ZNF676: variants seen among roughly 807,000 people sequenced by gnomAD.
The protein encoded by ZNF676 is zinc finger protein 676.
A neutral mutation model predicts 6.0 loss-of-function variants in ZNF676; 4 were observed. The observed-to-expected ratio is 0.67, with a 90% CI of 0.33 to 1.53. The LOEUF is 1.53. ZNF676 is among the 40% of genes most tolerant of loss of function. The pLI, the probability that ZNF676 is intolerant of heterozygous loss-of-function variation, is 0.06. For synonymous variants in ZNF676, 198 were observed against 223.1 expected (o/e 0.89, Z 1.00); for missense variants, 644 against 679.7 (o/e 0.95, Z 0.58).
At chr19:22,217,108 T>C (rs1427394895), upstream of ZNF676, among the ~76,000 whole-genome samples, 1 of 152,126 alleles carries the variant, frequency 6.6e-6, no homozygotes, top group Admixed American at 6.6e-5. Context: ...TCCCAAGCAG[T>C]GTGCACTCTA....
chr19:22,226,924 TG>T, the ZNF676 span, among the ~76,000 whole-genome samples: 1 of 152,162 alleles, frequency 6.6e-6, no homozygotes, highest in Non-Finnish European at 1.5e-5. Flanking sequence ...TATATACTTT[TG>T]GATTTTCCTG....
At chr19:22,217,496 C>G (rs1236359377), upstream of ZNF676, among the ~76,000 whole-genome samples, 1 of 152,180 alleles carries the variant, frequency 6.6e-6, no homozygotes, top group African/African-American at 2.4e-5. Context: ...GCCACCGTGC[C>G]CATCCCCATT....
In ZNF676 at chr19:22,181,228, A is replaced by T. The variant is rs1157115971; in HGVS notation, c.489T>A (p.Tyr163Ter). Residue 163 changes from tyrosine to a stop codon, truncating the protein, a stop_gained, in exon 3 of 3, where the codon TAT becomes TAA. Transcript: ENST00000397121. LOFTEE classifies it low-confidence loss of function (END_TRUNC). ...CACATTTGTAGGAATTCTCTCTAGT[A>T]TAAATTCTTTCATGTTGAGATAGGT... is the stretch of plus-strand genomic sequence containing the variant. The part of the protein sequence containing the change: ...LSHLSQHERI[Y>*]TRENSYKCEE... 1 of 1,613,868 alleles carries T rather than the reference A, an allele frequency of 6.2e-7. No individual in the cohort carries two copies. Among genetic ancestry groups the T allele is most frequent in the Admixed American group, 1.7e-5 (1 of 59,966 alleles).
At chr19:22,215,086 A>T (rs1226192234) in intron 1 of ZNF676, among the ~76,000 whole-genome samples, 1 of 151,558 alleles carries the variant, frequency 6.6e-6, no homozygotes, top group Admixed American at 6.6e-5. Context: ...AAACTACATA[A>T]CTGTACCTAA....
At chr19:22,208,681 CAT>C (rs2024099564) in intron 1 of ZNF676, among the ~76,000 whole-genome samples, 1 of 152,160 alleles carries the variant, frequency 6.6e-6, no homozygotes, top group Non-Finnish European at 1.5e-5. Flanking sequence ...CATGATGGCA[CAT>C]GTCTGTAATC....
chr19:22,234,277 T>A, the ZNF676 span, among the ~76,000 whole-genome samples: 7 of 152,132 alleles, frequency 4.6e-5, no homozygotes, highest in Admixed American at 3.9e-4. Context: ...TGTCAAATGA[T>A]CATAGGGAAC....
the ZNF676 span, among the ~76,000 whole-genome samples, chr19:22,233,902 G>A: frequency 2.0e-5 from 3 of 152,158 alleles, no homozygotes; most frequent in African/African-American, 7.2e-5. Flanking sequence ...GCACTCACAT[G>A]GGATACAAAT....
chr19:22,255,034 A>G, the ZNF676 span, among the ~76,000 whole-genome samples: 9 of 152,338 alleles, frequency 5.9e-5, no homozygotes, highest in African/African-American at 2.2e-4. Context: ...GAGAGTCAAT[A>G]CCTACTGTAT....
At chr19:22,211,291 G>A (rs2024127503) in intron 1 of ZNF676, among the ~76,000 whole-genome samples, 2 of 152,012 alleles carry the variant, frequency 1.3e-5, no homozygotes, top group African/African-American at 4.8e-5. Flanking sequence ...CCATGGCTGC[G>A]GTAAGCAGGC....
At chr19:22,256,440 C>A in the ZNF676 span, among the ~76,000 whole-genome samples, 1 of 151,926 alleles carries the variant, frequency 6.6e-6, no homozygotes, top group Non-Finnish European at 1.5e-5. Flanking sequence ...GTGCTGAGCC[C>A]AGTGATATGT....
chr19:22,253,404 G>GTATATATATATATATA, the ZNF676 span, among the ~76,000 whole-genome samples: 136 of 97,002 alleles, frequency 1.4e-3, no homozygotes, highest in Non-Finnish European at 1.7e-3. Context: ...ATGATAATGT[G>GTATATATATATATATA]TATATATATA....
chr19:22,201,297 G>C (rs2024023465), upstream of ZNF676, among the ~76,000 whole-genome samples: 1 of 152,050 alleles, frequency 6.6e-6, no homozygotes, highest in Non-Finnish European at 1.5e-5. Context: ...ACATAACTGG[G>C]GCAGGTTAAT....
chr19:22,223,512 AC>A, the ZNF676 span, among the ~76,000 whole-genome samples: 2 of 136,458 alleles, frequency 1.5e-5, no homozygotes, highest in East Asian at 4.5e-4. Flanking sequence ...AAAATAGGTC[AC>A]CTTTTTTTTT....
chr19:22,206,795 C>T (rs1212443468), intron 1 of ZNF676, among the ~76,000 whole-genome samples: 1 of 152,100 alleles, frequency 6.6e-6, no homozygotes, highest in Non-Finnish European at 1.5e-5. Flanking sequence ...GTTCAACATA[C>T]ACGAATCAAT....
chr19:22,190,189 C>A (rs575265373), intron 2 of ZNF676, among the ~76,000 whole-genome samples: 6 of 151,860 alleles, frequency 4.0e-5, no homozygotes, highest in Non-Finnish European at 7.4e-5. Context: ...TACTATGCAG[C>A]CATAAAAAAA....
chr19:22,252,712 C>T, the ZNF676 span, among the ~76,000 whole-genome samples: 3 of 150,508 alleles, frequency 2.0e-5, no homozygotes, highest in African/African-American at 2.5e-5. Context: ...TCACAATGGC[C>T]CATGTGGGCA....
chr19:22,203,462 T>C (rs1177277232), intron 1 of ZNF676: 1 of 152,142 alleles, frequency 6.6e-6, no homozygotes, highest in Non-Finnish European at 1.5e-5. Context: ...AAAACTGAGA[T>C]TAGATATAAG....
chr19:22,204,696 G>C (rs941831854), intron 1 of ZNF676, among the ~76,000 whole-genome samples: 1 of 152,122 alleles, frequency 6.6e-6, no homozygotes, highest in African/African-American at 2.4e-5. Flanking sequence ...CGATCTTTGT[G>C]CTTAACTTTA....
At chr19:22,184,477 T>TC (rs928754561) in intron 2 of ZNF676, among the ~76,000 whole-genome samples, 6 of 151,996 alleles carry the variant, frequency 3.9e-5, no homozygotes, top group Non-Finnish European at 5.9e-5. Flanking sequence ...TTCTTTTTTT[T>TC]CCCCATACCC....
Sources: gnomAD v4.1 joint callset for allele counts (sites outside exome capture counted in the v4.1 genomes callset) on GRCh38, gnomAD v4.1.1 for gene constraint, MANE v1.5 for transcripts, NCBI Gene and HGNC (gene_info 2026-07-23, HGNC 2026-07-21) for gene names.